COL28A1: variants seen among roughly 807,000 people sequenced by gnomAD.
COL28A1 encodes collagen type XXVIII alpha 1 chain.
A neutral mutation model predicts 150.2 loss-of-function variants in COL28A1; 161 were observed. The ratio of observed to expected loss-of-function variants is 1.07; its 90% CI spans 0.94 to 1.22. The LOEUF (loss-of-function observed/expected upper bound fraction) is 1.22. COL28A1 is among the 50% of genes most tolerant of loss of function. The pLI is 0.00. For missense variants in COL28A1, 1,617 were observed against 1,388.3 expected, an observed-to-expected ratio of 1.16 and a Z score of -2.62; for synonymous variants, 552 against 469.7, an observed-to-expected ratio of 1.18 and a Z score of -2.26.
At chr7:7,380,953 A>C in intron 28 of COL28A1, 91 bp from the exon 29 acceptor site, 1 of 1,107,338 alleles carries the variant, frequency 9.0e-7, no homozygotes, top group East Asian at 2.4e-5. Context: ...TGCAACTGGC[A>C]TCTCTTGAAG....
intron 25 of COL28A1, among the ~76,000 whole-genome samples, chr7:7,429,912 T>C (rs1010526113): frequency 6.6e-5 from 10 of 152,272 alleles, no homozygotes; most frequent in Admixed American, 3.3e-4. Context: ...TCACTTAAGA[T>C]ACATCTTCTG....
At chr7:7,476,423 T>C (rs1200274213) in intron 14 of COL28A1, among the ~76,000 whole-genome samples, 1 of 152,200 alleles carries the variant, frequency 6.6e-6, no homozygotes, top group African/African-American at 2.4e-5. Flanking sequence ...TTTTATATTA[T>C]AAATATAGTT....
At chr7:7,477,327 T>C (rs10226811) in intron 13 of COL28A1, 147 bp from the exon 14 acceptor site, 80,377 of 611,550 alleles carry the variant, frequency 0.13, 6,029 homozygotes, top group African/African-American at 0.25. Context: ...GTACTAAACA[T>C]GTACAGGCTT....
At chr7:7,482,527 GA>G (rs34891028) in intron 13 of COL28A1, among the ~76,000 whole-genome samples, 1,302 of 121,152 alleles carry the variant, frequency 0.011, 12 homozygotes, top group East Asian at 0.032. Flanking sequence ...CTCTGTCTCA[GA>G]AAAAAAAAAA....
chr7:7,534,453 G>A (rs1308618486), intron 1 of COL28A1, among the ~76,000 whole-genome samples: 1 of 152,116 alleles, frequency 6.6e-6, no homozygotes, highest in Non-Finnish European at 1.5e-5. Context: ...AAACACAGTT[G>A]TTATTGCATT....
At chr7:7,455,047 T>G (rs937805991) in intron 16 of COL28A1, among the ~76,000 whole-genome samples, 3 of 152,188 alleles carry the variant, frequency 2.0e-5, no homozygotes, top group African/African-American at 2.4e-5. Context: ...AGCAGCCAAT[T>G]AGAAATAAAC....
At chr7:7,410,638 C>T (rs1783730620) in intron 27 of COL28A1, among the ~76,000 whole-genome samples, 1 of 137,762 alleles carries the variant, frequency 7.3e-6, no homozygotes. Context: ...TTGGTTTTGT[C>T]TTCCTTTTTT....
Position 7,431,645 on chromosome 7 carries a change from G to T in COL28A1, c.1998+828C>A. ...TTCAAGGCCATGGGAAGTGTTCAAA[G>T]TCTGAAAGAGAAGCCACCAGGGTGT... is the stretch of plus-strand genomic sequence containing the variant. On this transcript the variant is annotated intron_variant, in intron 25 of 34. Transcript: ENST00000399429. The T allele has an allele frequency of 4.2e-6, 2 of 470,900 alleles. 1 individual carries two copies. The highest frequency in any genetic ancestry group is 4.0e-5 in the African/African-American group (2 of 50,076). The allele number at this position is 470,900 out of a possible 1,614,324, so 29.2% of individuals were successfully genotyped here.
In COL28A1 at chr7:7,436,482, A is replaced by G; in HGVS notation, c.1792-19T>C. 1 of 1,124,906 alleles carries G rather than the reference A, an allele frequency of 8.9e-7. No individual in the cohort carries two copies. The highest frequency in any genetic ancestry group is 2.3e-5 in the East Asian group (1 of 42,676). 69.7% of individuals were successfully genotyped at this position (1,124,906 alleles called of 1,614,324 possible). A position where few individuals can be genotyped will look rare whatever the true frequency, so the allele number is the denominator to read the frequency against. Reference sequence around the variant, plus strand: ...TATCTCCCTGTACATTTCAAATAACATTTCACAGGCTACAGTTGTGCGAGA... The same window carrying G: ...TATCTCCCTGTACATTTCAAATAACGTTTCACAGGCTACAGTTGTGCGAGA... On this transcript the variant is annotated intron_variant, in intron 22 of 34. Transcript: ENST00000399429.
chr7:7,477,318 T>C, intron 13 of COL28A1, 138 bp from the exon 14 acceptor site: 1 of 633,428 alleles, frequency 1.6e-6, no homozygotes, highest in South Asian at 1.9e-5. Context: ...GTTGGATCTG[T>C]ACTAAACATG....
intron 9 of COL28A1, among the ~76,000 whole-genome samples, chr7:7,507,945 T>G (rs1310857593): frequency 1.3e-5 from 2 of 152,110 alleles, no homozygotes; most frequent in Non-Finnish European, 2.9e-5. Context: ...TCAAAAATAT[T>G]TTTCCGGCCA....
intron 11 of COL28A1, among the ~76,000 whole-genome samples, chr7:7,503,076 G>C (rs1161959850): frequency 6.6e-6 from 1 of 152,170 alleles, no homozygotes; most frequent in Non-Finnish European, 1.5e-5. Flanking sequence ...GAGTCCACCA[G>C]AAGGGAAGAC....
the COL28A1 span, among the ~76,000 whole-genome samples, chr7:7,339,272 GGT>G: frequency 2.6e-5 from 4 of 151,982 alleles, no homozygotes; most frequent in East Asian, 1.9e-4. Context: ...TACTACTCTT[GGT>G]CTCTTCACTT....
At chr7:7,441,003 G>A (rs143600771) in intron 20 of COL28A1, 142 bp from the exon 21 acceptor site, 655 of 472,380 alleles carry the variant, frequency 1.4e-3, no homozygotes, top group African/African-American at 8.5e-3. Context: ...AATTGCGCAG[G>A]ATTCGTCAAT....
intron 11 of COL28A1, among the ~76,000 whole-genome samples, chr7:7,504,130 T>C (rs557191730): frequency 2.6e-5 from 4 of 152,326 alleles, no homozygotes; most frequent in African/African-American, 9.6e-5. Context: ...TATTAAAACT[T>C]AATGCACTGC....
chr7:7,479,481 A>C (rs1789217496), intron 13 of COL28A1, among the ~76,000 whole-genome samples: 1 of 152,224 alleles, frequency 6.6e-6, no homozygotes, highest in South Asian at 2.1e-4. Context: ...TTTAATTATC[A>C]GGGGAGTGCT....
chr7:7,402,855 A>G (rs764804363), intron 27 of COL28A1, among the ~76,000 whole-genome samples: 3 of 152,190 alleles, frequency 2.0e-5, no homozygotes, highest in Non-Finnish European at 4.4e-5. Context: ...ATGCTCATTA[A>G]TATTTGTTGA....
At chr7:7,490,765 A>G (rs1779873010) in intron 11 of COL28A1, 119 bp from the exon 12 acceptor site, 5 of 518,952 alleles carry the variant, frequency 9.6e-6, no homozygotes, top group South Asian at 6.2e-5. Flanking sequence ...AAACCTGTAC[A>G]TCGTGCCTGC....
chr7:7,343,484 G>A, the COL28A1 span, among the ~76,000 whole-genome samples: 1 of 151,850 alleles, frequency 6.6e-6, no homozygotes, highest in Non-Finnish European at 1.5e-5. Flanking sequence ...CACATAATCG[G>A]CTGTTAATTT....
Sources: allele counts gnomAD v4.1 joint callset (sites outside exome capture counted in the v4.1 genomes callset), GRCh38; gene constraint gnomAD v4.1.1; transcripts MANE v1.5; gene names NCBI Gene and HGNC (gene_info 2026-07-23, HGNC 2026-07-21).